STXBP4: variants seen among roughly 807,000 people sequenced by gnomAD.
The protein encoded by STXBP4 is syntaxin-binding protein 4.
STXBP4 carries 55 observed loss-of-function variants against 76.1 expected under a neutral mutation model. The observed-to-expected ratio is 0.72, with a 90% CI of 0.58 to 0.91. The LOEUF (loss-of-function observed/expected upper bound fraction) is 0.91. Ranked by LOEUF, STXBP4 falls within the 40% of genes least tolerant of loss-of-function variation. STXBP4 has a pLI of 0.00. For synonymous variants in STXBP4, 201 were observed against 220.2 expected (o/e 0.91, Z 0.77); for missense variants, 618 against 636.9 (o/e 0.97, Z 0.32).
intron 15 of STXBP4, 122 bp from the exon 16 acceptor site, chr17:55,080,928 A>G: frequency 1.0e-6 from 1 of 997,664 alleles, no homozygotes; most frequent in South Asian, 4.5e-5. Flanking sequence ...GTTATATGAA[A>G]TAATTTCCTC....
intron 7 of STXBP4, among the ~76,000 whole-genome samples, chr17:55,005,514 T>C (rs1217965974): frequency 6.6e-6 from 1 of 152,178 alleles, no homozygotes; most frequent in East Asian, 1.9e-4. Flanking sequence ...CTTTTCACTG[T>C]TAGAGATAGC....
At chr17:54,977,858 A>G (rs2077493690) in intron 1 of STXBP4, among the ~76,000 whole-genome samples, 1 of 152,206 alleles carries the variant, frequency 6.6e-6, no homozygotes, top group Admixed American at 6.5e-5. Context: ...TTACATTTTT[A>G]ATATTAGCTT....
chr17:55,095,847 G>C (rs2079477883), intron 16 of STXBP4, among the ~76,000 whole-genome samples: 1 of 152,094 alleles, frequency 6.6e-6, no homozygotes, highest in Admixed American at 6.6e-5. Context: ...TCATAATTCA[G>C]GTCTTCTAAT....
intron 1 of STXBP4, among the ~76,000 whole-genome samples, chr17:54,985,149 G>A (rs910511856): frequency 6.6e-6 from 1 of 152,160 alleles, no homozygotes; most frequent in Admixed American, 6.5e-5. Flanking sequence ...TTTAAAGTGA[G>A]ACAGTTTGTT....
rs1325003938 is a variant in STXBP4, at chr17:55,103,521, T to G, written c.1489+22338T>G. On this transcript the variant is annotated intron_variant, in intron 16 of 17. Transcript: ENST00000376352. Reference sequence around the variant, plus strand: ...TTTTGGTACCAGTATTATGCTGTTTTGGTTACTGTGGCCTTGTAGTATAGT... The same window carrying G: ...TTTTGGTACCAGTATTATGCTGTTTGGGTTACTGTGGCCTTGTAGTATAGT... Among the ~76,000 whole-genome samples the G allele has an allele frequency of 5.3e-5, 8 of 152,240 alleles. No homozygotes were observed. In the East Asian group the frequency reaches 1.5e-3, roughly 29 times the overall value.
the STXBP4 span, among the ~76,000 whole-genome samples, chr17:55,193,463 G>A: frequency 6.6e-6 from 1 of 152,092 alleles, no homozygotes; most frequent in African/African-American, 2.4e-5. Context: ...ATGGTTTGGA[G>A]AAGATCTCAC....
chr17:55,187,204 C>G, the STXBP4 span, among the ~76,000 whole-genome samples: 6 of 152,114 alleles, frequency 3.9e-5, no homozygotes, highest in African/African-American at 4.8e-5. Context: ...GCAGCATGCA[C>G]CCTCATAGGC....
chr17:55,164,552 G>A lies in STXBP4; in HGVS notation c.*4641G>A, dbSNP rs1209967803. ...TGCAAGCTCCGCTTCCCGGGTTCAC[G>A]CCATTCTCCTGCCTCAGCCTCCCGA... On this transcript the variant is annotated 3_prime_UTR_variant, in exon 18 of 18. Transcript: ENST00000376352. 7.0e-6 allele frequency: 1 copy of A among 143,372 alleles called. No individual in the cohort carries two copies. The highest frequency in any genetic ancestry group is 1.5e-5 in the Non-Finnish European group (1 of 66,558). 8.9% of individuals were successfully genotyped at this position (143,372 alleles called of 1,614,324 possible). A position where few individuals can be genotyped will look rare whatever the true frequency, so the allele number is the denominator to read the frequency against.
chr17:55,024,866 G>A (rs1020285772), intron 8 of STXBP4, among the ~76,000 whole-genome samples: 4 of 152,110 alleles, frequency 2.6e-5, no homozygotes, highest in Non-Finnish European at 5.9e-5. Flanking sequence ...GGCCGGGCAC[G>A]GTGGCTCACA....
At chr17:54,969,784 C>T (rs114629668) in intron 1 of STXBP4, among the ~76,000 whole-genome samples, 1,588 of 152,276 alleles carry the variant, frequency 0.01, 27 homozygotes, top group African/African-American at 0.035. Flanking sequence ...GTGGGCCTGA[C>T]ACCAATCGAC....
At chr17:55,021,765 C>G (rs185518471) in intron 8 of STXBP4, among the ~76,000 whole-genome samples, 7 of 152,162 alleles carry the variant, frequency 4.6e-5, no homozygotes, top group Admixed American at 3.9e-4. Flanking sequence ...TTTTAACTTT[C>G]ACATAAATTA....
intron 8 of STXBP4, among the ~76,000 whole-genome samples, chr17:55,009,576 T>C (rs8071094): frequency 0.93 from 141,092 of 152,138 alleles, 65,571 homozygotes; most frequent in East Asian, 1. Context: ...CCATTAAATC[T>C]GAATTCCAGT....
chr17:55,103,486 T>C (rs1474412060), intron 16 of STXBP4, among the ~76,000 whole-genome samples: 2 of 152,178 alleles, frequency 1.3e-5, no homozygotes, highest in Non-Finnish European at 2.9e-5. Flanking sequence ...TCCATTGGTC[T>C]ATATATCTCT....
chr17:54,994,235 TC>T (rs2077762620), intron 4 of STXBP4, among the ~76,000 whole-genome samples: 1 of 152,166 alleles, frequency 6.6e-6, no homozygotes, highest in Admixed American at 6.5e-5. Flanking sequence ...CTGGGGTCAA[TC>T]CTAGACCCTT....
chr17:55,081,016 T>C, intron 15 of STXBP4, 34 bp from the exon 16 acceptor site: 1 of 1,407,790 alleles, frequency 7.1e-7, no homozygotes, highest in Non-Finnish European at 9.3e-7. Context: ...GTTTATTGTG[T>C]AGTAAGTTCA....
chr17:55,000,966 T>C, intron 7 of STXBP4, 83 bp downstream of exon 7: 1 of 877,224 alleles, frequency 1.1e-6, no homozygotes, highest in Non-Finnish European at 1.8e-6. Context: ...CTTAAGACTT[T>C]GAAGAAGGGT....
intron 7 of STXBP4, among the ~76,000 whole-genome samples, chr17:55,005,612 C>A (rs1478556585): frequency 6.6e-6 from 1 of 152,176 alleles, no homozygotes; most frequent in East Asian, 1.9e-4. Context: ...CTCACCTTCT[C>A]TCATTCTCCT....
chr17:55,133,335 G>A (rs1368382671), intron 16 of STXBP4, among the ~76,000 whole-genome samples: 1 of 152,126 alleles, frequency 6.6e-6, no homozygotes, highest in Non-Finnish European at 1.5e-5. Flanking sequence ...GCTGAGAGGC[G>A]AGGTTTGGGT....
In STXBP4 at chr17:55,020,702, C is replaced by A. The variant is rs548746117; in HGVS notation, c.667-10466C>A. ...GCATGGTGGCATGCACCTGTAATCC[C>A]AGCTACTTGGGAGGCTGAGGCAGGA... On this transcript the variant is annotated intron_variant, in intron 8 of 17. Coordinates refer to ENST00000376352, the MANE Select transcript of STXBP4 (RefSeq NM_178509.6). Among the ~76,000 whole-genome samples the A allele has an allele frequency of 3.9e-5, 6 of 152,246 alleles. No individual in the cohort carries two copies. The East Asian group carries it at 1.2e-3, about 29-fold the overall frequency.
Sources: allele counts gnomAD v4.1 joint callset (sites outside exome capture counted in the v4.1 genomes callset), GRCh38; gene constraint gnomAD v4.1.1; transcripts MANE v1.5; gene names NCBI Gene and HGNC (gene_info 2026-07-23, HGNC 2026-07-21).